Variants in CCDC33 observed in about 807,000 individuals in gnomAD.
The protein encoded by CCDC33 is coiled-coil domain-containing protein 33.
CCDC33 carries 94 observed loss-of-function variants against 91.9 expected under a neutral mutation model. The ratio of observed to expected loss-of-function variants is 1.02; its 90% confidence interval spans 0.87 to 1.21. The LOEUF (loss-of-function observed/expected upper bound fraction) is 1.21, where lower values mean the gene tolerates loss of function less well. Among genes scored for constraint, CCDC33 ranks in the 50% most tolerant of loss-of-function variants. The pLI is 0.00. For synonymous variants in CCDC33, 396 were observed against 374.5 expected, an observed-to-expected ratio of 1.06 and a Z score of -0.66; for missense variants, 940 against 935.5, an observed-to-expected ratio of 1.00 and a Z score of -0.06.
intron 7 of CCDC33, among the ~76,000 whole-genome samples, chr15:74,275,015 A>AG (rs1216488361): frequency 6.6e-6 from 1 of 152,218 alleles, no homozygotes; most frequent in Non-Finnish European, 1.5e-5. Context: ...CCATACCTGG[A>AG]GGGGCACCAG....
Position 74,333,862 on chromosome 15 carries a change from G to T in CCDC33, c.1939-19G>T. ...AGCCTCCAGCTGGGGCCAAATGTGA[G>T]TTTGTGCTTTGCCCACAGGATCTCC... On this transcript the variant is annotated intron_variant, in intron 16 of 18. Coordinates refer to ENST00000398814, the MANE Select transcript of CCDC33 (RefSeq NM_025055.5). 1 of 1,608,574 alleles carries T rather than the reference G, an allele frequency of 6.2e-7. No individual in the cohort carries two copies. Among genetic ancestry groups the T allele is most frequent in the Non-Finnish European group, 8.5e-7 (1 of 1,175,632 alleles).
chr15:74,248,504 C>T (rs567602289), intron 2 of CCDC33, among the ~76,000 whole-genome samples: 69 of 152,122 alleles, frequency 4.5e-4, no homozygotes, highest in African/African-American at 1.6e-3. Context: ...GGATTCTGTC[C>T]TTCTCTCTGG....
intron 10 of CCDC33, among the ~76,000 whole-genome samples, chr15:74,287,743 C>T (rs536740923): frequency 6.6e-6 from 1 of 151,542 alleles, no homozygotes; most frequent in South Asian, 2.1e-4. Flanking sequence ...GAGCCGAGAT[C>T]ACACCACTGC....
intron 2 of CCDC33, among the ~76,000 whole-genome samples, chr15:74,258,792 A>G (rs1339304479): frequency 1.3e-5 from 2 of 152,144 alleles, no homozygotes; most frequent in African/African-American, 4.8e-5. Context: ...TCACAGCTGC[A>G]GCCCCCGGGA....
At chr15:74,269,671 A>G (rs2930851) in intron 5 of CCDC33, among the ~76,000 whole-genome samples, 76,447 of 128,756 alleles carry the variant, frequency 0.59, 23,829 homozygotes, top group Non-Finnish European at 0.72. Context: ...GAGCTGCCCC[A>G]CCCCACCCAG....
intron 10 of CCDC33, among the ~76,000 whole-genome samples, chr15:74,287,740 G>A (rs2059504202): frequency 6.6e-6 from 1 of 151,632 alleles, no homozygotes; most frequent in Non-Finnish European, 1.5e-5. Flanking sequence ...AGTGAGCCGA[G>A]ATCACACCAC....
At chr15:74,253,361 A>G (rs1327000439) in intron 2 of CCDC33, among the ~76,000 whole-genome samples, 1 of 152,136 alleles carries the variant, frequency 6.6e-6, no homozygotes, top group African/African-American at 2.4e-5. Context: ...CACATGCCAC[A>G]GGGTCTAGCT....
At chr15:74,240,260 A>T (rs2075304319) in intron 1 of CCDC33, among the ~76,000 whole-genome samples, 1 of 152,238 alleles carries the variant, frequency 6.6e-6, no homozygotes, top group Non-Finnish European at 1.5e-5. Flanking sequence ...GGGGAGATAG[A>T]GGAGGAGCCG....
At chr15:74,225,089 G>A (rs889048325) in intron 2 of CCDC33, among the ~76,000 whole-genome samples, 1 of 151,470 alleles carries the variant, frequency 6.6e-6, no homozygotes, top group African/African-American at 2.4e-5. Context: ...CCAGCCAGGG[G>A]CTGACGCTGA....
chr15:74,234,427 G>A (rs1041620312), upstream of CCDC33, among the ~76,000 whole-genome samples: 3 of 152,170 alleles, frequency 2.0e-5, no homozygotes, highest in African/African-American at 7.2e-5. Context: ...TGGAGGAAGG[G>A]GAGGAGAAGG....
exon 1 of CCDC33, chr15:74,217,528 C>G: frequency 7.8e-7 from 1 of 1,282,258 alleles, no homozygotes; most frequent in South Asian, 1.2e-5. Flanking sequence ...CAGCAGGAGC[C>G]TGGCCAGAGC....
rs774572184 is a variant in CCDC33 at position 74,266,663 on chromosome 15, T to G, written c.320-15T>G. ...CATTTAAAAATAAACCTGGGCTCAT[T>G]TTTTCTCTTTCCAGATGTGATCCTC... On this transcript the variant is annotated splice_polypyrimidine_tract_variant and intron_variant, in intron 3 of 18. Transcript: ENST00000398814. 7 of 1,589,058 alleles carry G rather than the reference T, an allele frequency of 4.4e-6. No homozygotes were observed. Among genetic ancestry groups the G allele is most frequent in the Non-Finnish European group, 6.0e-6 (7 of 1,157,478 alleles).
At position 74,218,988 on chromosome 15, in the gene CCDC33, C is replaced by T. The variant is rs553100643; in HGVS notation, c.675+127C>T. On this transcript the variant is annotated intron_variant, in intron 2 of 2. Coordinates refer to the CCDC33 transcript ENST00000635913. This position sits in a 1 kb window ranked among gnomAD's most constrained non-coding sequence, Gnocchi z 4.8. The stretch of plus-strand genomic sequence containing the variant: ...CAGAGCAGCAGAGCTCCCAAGGCTG[C>T]CATGTTCAGTCTGAGGAACGTGCAG... 2 of 983,570 alleles carry T rather than the reference C, an allele frequency of 2.0e-6. No individual in the cohort carries two copies. Among genetic ancestry groups the T allele is most frequent in the Admixed American group, 8.0e-5 (2 of 25,080 alleles). The allele number at this position is 983,570 out of a possible 1,614,324, so 60.9% of individuals were successfully genotyped here. A position where few individuals can be genotyped will look rare whatever the true frequency, so the allele number is the denominator to read the frequency against.
chr15:74,272,676 C>T, intron 6 of CCDC33, 95 bp from the exon 7 acceptor site: 1 of 1,512,010 alleles, frequency 6.6e-7, no homozygotes, highest in African/African-American at 1.4e-5. Context: ...CAACTCCCTT[C>T]TCTTGCATCA....
At chr15:74,222,967 T>C (rs1265122788) in intron 2 of CCDC33, among the ~76,000 whole-genome samples, 1 of 151,932 alleles carries the variant, frequency 6.6e-6, no homozygotes, top group African/African-American at 2.4e-5. Context: ...TTGCTCGCGA[T>C]TGCATACACT....
At chr15:74,223,798 CAG>C (rs1206558467) in intron 2 of CCDC33, among the ~76,000 whole-genome samples, 10 of 76,804 alleles carry the variant, frequency 1.3e-4, no homozygotes, top group South Asian at 4.0e-4. Flanking sequence ...ACACACACAG[CAG>C]ACAGCAGACA....
intron 11 of CCDC33, among the ~76,000 whole-genome samples, chr15:74,329,458 C>T (rs755826740): frequency 1.3e-5 from 2 of 152,180 alleles, no homozygotes; most frequent in Admixed American, 6.5e-5. Flanking sequence ...TAGTACCTAT[C>T]CACGCAGGTC....
chr15:74,245,092 G>C (rs901129), intron 2 of CCDC33, among the ~76,000 whole-genome samples: 9,196 of 152,190 alleles, frequency 0.06, 329 homozygotes, highest in East Asian at 0.11. Flanking sequence ...CCCTCTTCTG[G>C]AGCTCCACAG....
At chr15:74,248,080 A>T (rs1021698441) in intron 2 of CCDC33, among the ~76,000 whole-genome samples, 6 of 152,144 alleles carry the variant, frequency 3.9e-5, no homozygotes. Context: ...CCGTCTAAAA[A>T]AAAAAAGATA....
Sources: allele counts gnomAD v4.1 joint callset (sites outside exome capture counted in the v4.1 genomes callset), GRCh38; gene constraint gnomAD v4.1.1; non-coding constraint Gnocchi (gnomAD v3.1); transcripts MANE v1.5; gene names NCBI Gene and HGNC (gene_info 2026-07-23, HGNC 2026-07-21).